The following STAG1 variants were observed in gnomAD, a reference collection of about 807,000 sequenced individuals.
The protein encoded by STAG1 is cohesin subunit SA-1.
STAG1 carries 26 observed loss-of-function variants against 170.9 expected under a neutral mutation model. That is an observed-to-expected ratio of 0.15 (90% confidence interval 0.11 to 0.21). The LOEUF (loss-of-function observed/expected upper bound fraction) is 0.21, where lower values mean the gene tolerates loss of function less well. Ranked by LOEUF, STAG1 falls within the 10% of genes least tolerant of loss-of-function variation. The pLI is 1.00. For missense variants in STAG1, 964 were observed against 1,509.5 expected (o/e 0.64, Z 5.99); for synonymous variants, 514 against 497.7 (o/e 1.03, Z -0.44).
At position 136,494,029 on chromosome 3, in the gene STAG1, G is replaced by C. The variant is rs572476143; in HGVS notation, c.902+6194C>G. Among the ~76,000 whole-genome samples the C allele has an allele frequency of 1.4e-3, 218 of 152,288 alleles. 2 individuals are homozygous for C. The highest frequency in any genetic ancestry group is 5.1e-3 in the African/African-American group (214 of 41,556). On this transcript the variant is annotated intron_variant, in intron 9 of 33. Coordinates refer to ENST00000383202, the MANE Select transcript of STAG1 (RefSeq NM_005862.3). ...CTCACACCTATAATCCTAGTACTTT[G>C]GGAGGCCGAAGCAGAAGGACTGCTT...
chr3:136,688,196 G>A (rs963333273), intron 1 of STAG1, among the ~76,000 whole-genome samples: 1 of 152,118 alleles, frequency 6.6e-6, no homozygotes, highest in African/African-American at 2.4e-5. Flanking sequence ...TGTGGATCCA[G>A]GAGTCAATAC....
intron 16 of STAG1, among the ~76,000 whole-genome samples, chr3:136,430,822 C>G (rs2088279491): frequency 1.6e-5 from 2 of 126,724 alleles, no homozygotes; most frequent in African/African-American, 5.9e-5. Context: ...CACACACACA[C>G]ACACACACAC....
intron 1 of STAG1, among the ~76,000 whole-genome samples, chr3:136,668,573 C>G (rs1211589617): frequency 6.6e-6 from 1 of 151,812 alleles, no homozygotes; most frequent in East Asian, 1.9e-4. Flanking sequence ...AGAAAGCCTT[C>G]AGGCTGCAAT....
At chr3:136,548,992 G>A (rs752070268) in intron 5 of STAG1, among the ~76,000 whole-genome samples, 38 of 152,052 alleles carry the variant, frequency 2.5e-4, no homozygotes, top group Non-Finnish European at 4.6e-4. Flanking sequence ...ATGATTGTAC[G>A]TTTCCTGAGG....
rs1460270724 is a variant in STAG1, at chr3:136,340,590, C to T, written c.3573G>A (p.Glu1191=). The T allele has an allele frequency of 6.2e-7, 1 of 1,611,228 alleles. No homozygotes were observed. The highest frequency in any genetic ancestry group is 1.3e-5 in the African/African-American group (1 of 75,006). ...CTTCAAAGATGGGCTCAGCATCTTC[C>T]TCCATTAGACCCCGACTGGTAAGAA... is the stretch of plus-strand genomic sequence containing the variant. ...GVRHAVRGLM[E]EDAEPIFEDV... The change falls in exon 32 of 34, where the codon GAG becomes GAA. Residue 1191 remains glutamate (E), a synonymous_variant. Transcript: ENST00000383202.
intron 1 of STAG1, among the ~76,000 whole-genome samples, chr3:136,751,692 G>A (rs906336923): frequency 1.3e-5 from 2 of 152,162 alleles, no homozygotes; most frequent in South Asian, 2.1e-4. Context: ...GTTGTCATGT[G>A]ACGCCGCCGC....
At chr3:136,369,475 T>C (rs1034250445) in intron 23 of STAG1, among the ~76,000 whole-genome samples, 193 bp from the exon 24 acceptor site, 1 of 152,208 alleles carries the variant, frequency 6.6e-6, no homozygotes, top group Non-Finnish European at 1.5e-5. Flanking sequence ...ACAAGTGTCA[T>C]ATTTAAGACT....
At chr3:136,747,942 G>A (rs1377483531) in intron 1 of STAG1, among the ~76,000 whole-genome samples, 1 of 151,270 alleles carries the variant, frequency 6.6e-6, no homozygotes, top group Non-Finnish European at 1.5e-5. Context: ...ACACCCAGCT[G>A]ATTTTTTCTA....
At chr3:136,529,899 T>C (rs974214078) in intron 6 of STAG1, among the ~76,000 whole-genome samples, 2 of 152,160 alleles carry the variant, frequency 1.3e-5, no homozygotes, top group Admixed American at 1.3e-4. Flanking sequence ...AATATTAACT[T>C]TGAATGTAAA....
intron 4 of STAG1, among the ~76,000 whole-genome samples, chr3:136,599,536 TAAATA>T (rs563949490): frequency 2.6e-5 from 4 of 151,924 alleles, no homozygotes; most frequent in East Asian, 1.9e-4. Context: ...GTCTCAAAAA[TAAATA>T]AAATAAAATA....
chr3:136,587,488 C>T (rs775091326), intron 4 of STAG1, among the ~76,000 whole-genome samples: 7 of 133,292 alleles, frequency 5.3e-5, no homozygotes, highest in African/African-American at 1.1e-4. Context: ...TGCAGGGAGC[C>T]GAGATCACAC....
intron 4 of STAG1, 81 bp downstream of exon 4, chr3:136,604,228 G>A: frequency 1.6e-6 from 2 of 1,242,772 alleles, no homozygotes; most frequent in Admixed American, 2.5e-5. Context: ...AGTATATAAA[G>A]TGCCAATATA....
intron 4 of STAG1, among the ~76,000 whole-genome samples, chr3:136,603,552 A>G (rs1297784393): frequency 6.6e-6 from 1 of 152,168 alleles, no homozygotes; most frequent in African/African-American, 2.4e-5. Context: ...CCTGCAGAAT[A>G]CTTAGTATTT....
intron 6 of STAG1, among the ~76,000 whole-genome samples, chr3:136,528,310 A>T (rs1935175335): frequency 6.6e-6 from 1 of 152,090 alleles, no homozygotes; most frequent in Non-Finnish European, 1.5e-5. Flanking sequence ...GCCTTACTGC[A>T]GCCTTGCAGT....
intron 1 of STAG1, among the ~76,000 whole-genome samples, chr3:136,748,691 T>C (rs1439508088): frequency 6.6e-6 from 1 of 152,206 alleles, no homozygotes; most frequent in African/African-American, 2.4e-5. Flanking sequence ...TGTCAGCCAC[T>C]GTACCAGGCC....
At chr3:136,460,356 C>A (rs1173441857) in intron 13 of STAG1, among the ~76,000 whole-genome samples, 1 of 152,186 alleles carries the variant, frequency 6.6e-6, no homozygotes, top group African/African-American at 2.4e-5. Flanking sequence ...AGTCCCAGCA[C>A]TCTTGGAGGC....
At chr3:136,489,188 A>C (rs760802954) in intron 9 of STAG1, among the ~76,000 whole-genome samples, 1 of 152,252 alleles carries the variant, frequency 6.6e-6, no homozygotes, top group Admixed American at 6.5e-5. Flanking sequence ...ACAGCATAAA[A>C]GAATGATCAT....
chr3:136,551,206 AGTG>A (rs1936371129), intron 5 of STAG1, among the ~76,000 whole-genome samples: 1 of 45,076 alleles, frequency 2.2e-5, no homozygotes, highest in African/African-American at 1.1e-4. Flanking sequence ...GTTGAGAGAG[AGTG>A]AGAGAGAGAG....
Position 136,377,735 on chromosome 3 carries a change from C to T in STAG1, c.2295G>A (p.Leu765=), listed in dbSNP as rs1218096474. The T allele has an allele frequency of 6.2e-7, 1 of 1,613,994 alleles. No homozygotes were observed. Among genetic ancestry groups the T allele is most frequent in the Non-Finnish European group, 8.5e-7 (1 of 1,179,956 alleles). Residue 765 remains leucine, a synonymous_variant, in exon 23 of 34, where the codon TTG becomes TTA. Transcript: ENST00000383202. ...GSPSKEDLLV[L]RKTVKSFLAV... Reference sequence around the variant, plus strand: ...CCAAAAAGGATTTCACCGTTTTCCTCAATACCAACAAATCCTCCTGTAAGA... The same window carrying T: ...CCAAAAAGGATTTCACCGTTTTCCTTAATACCAACAAATCCTCCTGTAAGA...
Sources: gnomAD v4.1 joint callset for allele counts (sites outside exome capture counted in the v4.1 genomes callset) on GRCh38, gnomAD v4.1.1 for gene constraint, MANE v1.5 for transcripts, NCBI Gene and HGNC (gene_info 2026-07-23, HGNC 2026-07-21) for gene names.